The following PHACTR3 variants were observed in gnomAD, a reference collection of about 807,000 sequenced individuals.
PHACTR3 encodes the protein protein phosphatase 1, regulatory subunit 123.
In PHACTR3, 16 loss-of-function variants were observed where a neutral mutation model predicts 66.8. That is an observed-to-expected ratio of 0.24 (90% CI 0.16 to 0.36). The LOEUF (loss-of-function observed/expected upper bound fraction) is 0.36. PHACTR3 is among the 10% of genes least tolerant of loss of function. The probability of loss-of-function intolerance (pLI) is 1.00; values close to 1 mark genes in which losing one functional copy is unlikely to be tolerated. For missense variants in PHACTR3, 647 were observed against 719.9 expected (o/e 0.90, Z 1.16); for synonymous variants, 323 against 292.1 (o/e 1.11, Z -1.08).
At chr20:59,635,148 T>TTTCTTTTTCTTTCTTTC (rs1491155985) in intron 1 of PHACTR3, among the ~76,000 whole-genome samples, 8 of 23,694 alleles carry the variant, frequency 3.4e-4, no homozygotes, top group East Asian at 3.8e-3. Flanking sequence ...TCTTTCTTTC[T>TTTCTTTTTCTTTCTTTC]TTTTCTTTCT....
chr20:59,842,764 T>C (rs2059086703), intron 11 of PHACTR3, among the ~76,000 whole-genome samples: 1 of 152,184 alleles, frequency 6.6e-6, no homozygotes, highest in Non-Finnish European at 1.5e-5. Flanking sequence ...ATTAGTGCCC[T>C]AAGCATGTGC....
intron 1 of PHACTR3, among the ~76,000 whole-genome samples, chr20:59,653,116 A>C (rs1338431890): frequency 2.0e-5 from 3 of 152,202 alleles, no homozygotes; most frequent in Non-Finnish European, 2.9e-5. Flanking sequence ...AAATATTCTT[A>C]TAATTGAAGA....
At chr20:59,593,415 G>A (rs544534403) in intron 1 of PHACTR3, among the ~76,000 whole-genome samples, 1 of 151,728 alleles carries the variant, frequency 6.6e-6, no homozygotes, top group Non-Finnish European at 1.5e-5. Flanking sequence ...CCTTTTTTAG[G>A]TGTCTTTTAC....
chr20:59,836,590 T>A (rs1395214339), intron 9 of PHACTR3, 30 bp downstream of exon 9: 1 of 1,602,086 alleles, frequency 6.2e-7, no homozygotes, highest in Admixed American at 1.7e-5. Flanking sequence ...TCTAGAGGTT[T>A]TCCTTCACGT....
chr20:59,733,907 A>G (rs1033266980), intron 1 of PHACTR3, among the ~76,000 whole-genome samples: 1 of 151,970 alleles, frequency 6.6e-6, no homozygotes, highest in African/African-American at 2.4e-5. Flanking sequence ...AAACCTTCGT[A>G]TTCCTTGGCT....
At chr20:59,847,052 T>C (rs2059163920) in intron 12 of PHACTR3, 63 bp from the exon 13 acceptor site, 2 of 1,146,612 alleles carry the variant, frequency 1.7e-6, no homozygotes, top group Admixed American at 1.9e-5. Context: ...TATAAGGTTT[T>C]TGGCTATTTT....
At chr20:59,690,602 A>G (rs55703210) in intron 1 of PHACTR3, among the ~76,000 whole-genome samples, 14,155 of 152,220 alleles carry the variant, frequency 0.093, 1,114 homozygotes, top group African/African-American at 0.21. Context: ...ATAGAGAAGT[A>G]GTTTCATGTT....
chr20:59,591,192 C>G lies in PHACTR3; in HGVS notation c.109+13575C>G, dbSNP rs148682333. Among the ~76,000 whole-genome samples, 834 of 152,328 alleles carry G rather than the reference C, an allele frequency of 5.5e-3. 10 individuals are homozygous for G. Among genetic ancestry groups the G allele is most frequent in the African/African-American group, 0.019 (778 of 41,578 alleles). On this transcript the variant is annotated intron_variant, in intron 1 of 12. Coordinates refer to the PHACTR3 transcript ENST00000359926. ...GCAATTTGCACCAGCCCCAGCCTGC[C>G]CTTGACAGGGCTCTGGCCATTCTCG... is the stretch of plus-strand genomic sequence containing the variant.
intron 5 of PHACTR3, among the ~76,000 whole-genome samples, chr20:59,771,430 C>G (rs2040357229): frequency 6.6e-6 from 1 of 152,166 alleles, no homozygotes; most frequent in Non-Finnish European, 1.5e-5. Flanking sequence ...TGCCTGGCCA[C>G]TTCTTGCATG....
intron 1 of PHACTR3, among the ~76,000 whole-genome samples, chr20:59,713,099 T>C (rs1195007322): frequency 6.6e-6 from 1 of 152,222 alleles, no homozygotes; most frequent in African/African-American, 2.4e-5. Flanking sequence ...TGAGTTCTCA[T>C]TTTGAATCAG....
At chr20:59,737,053 C>G (rs1320015744) in intron 1 of PHACTR3, among the ~76,000 whole-genome samples, 1 of 152,158 alleles carries the variant, frequency 6.6e-6, no homozygotes, top group Non-Finnish European at 1.5e-5. Context: ...TCTAGTGGCT[C>G]CCTGCTGAAT....
chr20:59,823,414 G>A lies in PHACTR3; in HGVS notation c.1329-13091G>A, dbSNP rs118144423. Among the ~76,000 whole-genome samples, 256 of 152,326 alleles carry A rather than the reference G, an allele frequency of 1.7e-3. 2 individuals are homozygous for A. In the East Asian group the frequency reaches 0.041, roughly 24 times the overall value. Reference sequence around the variant, plus strand: ...GGAGGGAGGTAAAGACCTGTCCTCAGTGCTCAGCCCCAGGTGACTACTCAA... The same window carrying A: ...GGAGGGAGGTAAAGACCTGTCCTCAATGCTCAGCCCCAGGTGACTACTCAA... On this transcript the variant is annotated intron_variant, in intron 8 of 12. Transcript: ENST00000371015.
chr20:59,628,490 G>C (rs1390506446), intron 1 of PHACTR3: 3 of 295,776 alleles, frequency 1.0e-5, no homozygotes, highest in Non-Finnish European at 1.5e-5. Context: ...CGTGAATGGA[G>C]GCTTTGGCCC....
chr20:59,742,235 ACTTT>A (rs911860594), intron 1 of PHACTR3, among the ~76,000 whole-genome samples: 8 of 152,148 alleles, frequency 5.3e-5, no homozygotes, highest in African/African-American at 1.9e-4. Flanking sequence ...TTGGAGATCC[ACTTT>A]CTTTCTTTCT....
intron 7 of PHACTR3, among the ~76,000 whole-genome samples, chr20:59,786,103 C>T (rs907406703): frequency 6.6e-6 from 1 of 152,246 alleles, no homozygotes; most frequent in African/African-American, 2.4e-5. Flanking sequence ...CAGCTCCCTC[C>T]TCAACTGAGC....
intron 1 of PHACTR3, among the ~76,000 whole-genome samples, chr20:59,725,006 G>A (rs1198402076): frequency 6.6e-6 from 1 of 152,084 alleles, no homozygotes; most frequent in Non-Finnish European, 1.5e-5. Context: ...TTGAGCTCAG[G>A]TATGTTGAGA....
At chr20:59,750,803 T>G (rs1198047360) in intron 3 of PHACTR3, among the ~76,000 whole-genome samples, 5 of 152,160 alleles carry the variant, frequency 3.3e-5, no homozygotes, top group African/African-American at 1.2e-4. Context: ...GCTGCTTGAA[T>G]CCTTTACTGT....
At chr20:59,688,637 T>A (rs2036987351) in intron 1 of PHACTR3, among the ~76,000 whole-genome samples, 1 of 152,196 alleles carries the variant, frequency 6.6e-6, no homozygotes, top group East Asian at 1.9e-4. Context: ...AAGCATGTAT[T>A]TTTCCTCCTC....
intron 1 of PHACTR3, among the ~76,000 whole-genome samples, chr20:59,712,928 T>C (rs997497756): frequency 7.2e-5 from 11 of 152,230 alleles, no homozygotes; most frequent in South Asian, 2.1e-4. Context: ...ACTTTTGATT[T>C]CAAACCAAAA....
Sources: gnomAD v4.1 joint callset for allele counts (sites outside exome capture counted in the v4.1 genomes callset) on GRCh38, gnomAD v4.1.1 for gene constraint, MANE v1.5 for transcripts, NCBI Gene and HGNC (gene_info 2026-07-23, HGNC 2026-07-21) for gene names.